The following MGST2 variants were observed in gnomAD, a reference collection of about 807,000 sequenced individuals.
MGST2 encodes the protein microsomal glutathione S-transferase 2, also known as glutathione peroxidase MGST2.
A neutral mutation model predicts 16.6 loss-of-function variants in MGST2; 9 were observed. The ratio of observed to expected loss-of-function variants is 0.54; its 90% confidence interval spans 0.33 to 0.95. The LOEUF (loss-of-function observed/expected upper bound fraction) is 0.95, where lower values mean the gene tolerates loss of function less well. Ranked by LOEUF, MGST2 falls within the 40% of genes least tolerant of loss-of-function variation. The pLI is 0.03. For missense variants in MGST2, 159 were observed against 175.1 expected (o/e 0.91, Z 0.52); for synonymous variants, 79 against 68.0 (o/e 1.16, Z -0.79).
Position 139,727,686 on chromosome 4 carries a change from G to T in MGST2, c.*49-12526G>T, listed in dbSNP as rs563872880. ...TGTGCTTTGAACTTTTGGAGAATAC[G>T]GCATTAAATGTGAATTCATGCCTAC... On this transcript the variant is annotated intron_variant, in intron 5 of 5. Transcript: ENST00000616265. 3.3e-5 allele frequency among the ~76,000 whole-genome samples: 5 copies of T among 152,278 alleles called. No homozygotes were observed. The East Asian group carries it at 9.6e-4, about 29-fold the overall frequency.
Position 139,682,304 on chromosome 4 carries a change from G to A in MGST2, c.158+3662G>A, listed in dbSNP as rs578004571. On this transcript the variant is annotated intron_variant, in intron 2 of 4. Transcript: ENST00000265498. ...GTAAGAGGGTATGGGATGGGTTCCT[G>A]GGGGGTAAGTTGGGTGGTCTGTGAT... Among the ~76,000 whole-genome samples the A allele has an allele frequency of 3.9e-4, 59 of 152,240 alleles. 1 individual carries two copies. The South Asian group carries it at 4.6e-3, about 12-fold the overall frequency.
chr4:139,703,565 A>G, intron 4 of MGST2, 29 bp downstream of exon 4: 1 of 1,593,704 alleles, frequency 6.3e-7, no homozygotes, highest in Non-Finnish European at 8.6e-7. Flanking sequence ...TTTTGTATTT[A>G]TGCAAAAAGT....
chr4:139,708,763 G>C (rs928311661), downstream of MGST2, among the ~76,000 whole-genome samples: 1 of 152,070 alleles, frequency 6.6e-6, no homozygotes, highest in Non-Finnish European at 1.5e-5. Flanking sequence ...AGCACTTTGG[G>C]AGGCCGAGGT....
intron 3 of MGST2, among the ~76,000 whole-genome samples, chr4:139,701,165 T>C (rs901242711): frequency 2.0e-5 from 3 of 152,230 alleles, no homozygotes; most frequent in Admixed American, 2.0e-4. Flanking sequence ...TTCTCTGTGA[T>C]AGGCTGAATG....
At chr4:139,678,405 T>A in intron 1 of MGST2, 138 bp from the exon 2 acceptor site, 1 of 730,292 alleles carries the variant, frequency 1.4e-6, no homozygotes, top group Non-Finnish European at 2.5e-6. Context: ...CTGTCTTTTT[T>A]AATTGCTATC....
chr4:139,686,990 G>T (rs1731600408), intron 2 of MGST2, among the ~76,000 whole-genome samples: 1 of 152,090 alleles, frequency 6.6e-6, no homozygotes, highest in Admixed American at 6.6e-5. Context: ...AAGTTATTTT[G>T]CTCTCCCTCC....
intron 5 of MGST2, chr4:139,719,263 TTTC>T: frequency 2.0e-6 from 3 of 1,507,840 alleles, no homozygotes; most frequent in Non-Finnish European, 2.7e-6. Flanking sequence ...CAACATCCTG[TTTC>T]TTTTTCACTT....
chr4:139,753,664 G>A, the MGST2 span, among the ~76,000 whole-genome samples: 1 of 152,146 alleles, frequency 6.6e-6, no homozygotes, highest in Non-Finnish European at 1.5e-5. Flanking sequence ...CATCCCTGAG[G>A]CTGAGGTGAG....
chr4:139,702,048 A>T (rs1319444827), intron 3 of MGST2, among the ~76,000 whole-genome samples: 1 of 152,178 alleles, frequency 6.6e-6, no homozygotes, highest in East Asian at 1.9e-4. Flanking sequence ...CATAGACTCC[A>T]AATGTTTACA....
intron 1 of MGST2, among the ~76,000 whole-genome samples, chr4:139,675,461 T>G (rs1022506829): frequency 3.9e-5 from 6 of 152,098 alleles, no homozygotes; most frequent in African/African-American, 4.8e-5. Flanking sequence ...GGCATCAGAG[T>G]TGATTATCTA....
At chr4:139,703,176 C>T (rs143381176) in intron 3 of MGST2, among the ~76,000 whole-genome samples, 5 of 151,962 alleles carry the variant, frequency 3.3e-5, no homozygotes, top group East Asian at 1.9e-4. Context: ...TTCACCCCCC[C>T]TCGGCCTCTC....
chr4:139,698,223 C>T (rs1727034886), intron 3 of MGST2: 7 of 1,282,776 alleles, frequency 5.5e-6, no homozygotes, highest in Non-Finnish European at 7.8e-6. Flanking sequence ...ATGGATAGCA[C>T]ACAGGTTGGT....
At chr4:139,719,267 TTTTTC>T (rs1728122378) in intron 5 of MGST2, 3 of 1,510,916 alleles carry the variant, frequency 2.0e-6, no homozygotes, top group Non-Finnish European at 2.7e-6. Flanking sequence ...ATCCTGTTTC[TTTTTC>T]ACTTTTTAAG....
At chr4:139,721,090 C>T (rs1044341641) in intron 5 of MGST2, among the ~76,000 whole-genome samples, 1 of 152,238 alleles carries the variant, frequency 6.6e-6, no homozygotes, top group African/African-American at 2.4e-5. Flanking sequence ...TGCGACTTGG[C>T]CATAAACTTT....
At chr4:139,719,177 C>T (rs766252588) in intron 5 of MGST2, 83 of 909,452 alleles carry the variant, frequency 9.1e-5, no homozygotes, top group Admixed American at 1.3e-4. Flanking sequence ...GGATTGGCAC[C>T]TGGATCTTCC....
At chr4:139,689,046 G>T (rs1373979020) in intron 2 of MGST2, among the ~76,000 whole-genome samples, 2 of 147,462 alleles carry the variant, frequency 1.4e-5, no homozygotes, top group South Asian at 2.1e-4. Context: ...GGCGGAGGTT[G>T]CAGTGAGCTG....
At chr4:139,707,095 C>T (rs1727548538), downstream of MGST2, among the ~76,000 whole-genome samples, 1 of 151,904 alleles carries the variant, frequency 6.6e-6, no homozygotes, top group Non-Finnish European at 1.5e-5. Flanking sequence ...TACATGTGCA[C>T]AATGTGCAGG....
At chr4:139,689,379 A>G (rs1319504996) in intron 2 of MGST2, among the ~76,000 whole-genome samples, 1 of 152,126 alleles carries the variant, frequency 6.6e-6, no homozygotes, top group Admixed American at 6.5e-5. Flanking sequence ...CCACCTCCCT[A>G]TTGTGTCCCA....
chr4:139,717,967 A>ACAT (rs1728059135), intron 5 of MGST2: 1 of 152,182 alleles, frequency 6.6e-6, no homozygotes, highest in South Asian at 2.1e-4. Context: ...GAAATAAACT[A>ACAT]CATCTCCTTT....
Sources: allele counts gnomAD v4.1 joint callset (sites outside exome capture counted in the v4.1 genomes callset), GRCh38; gene constraint gnomAD v4.1.1; transcripts MANE v1.5; gene names NCBI Gene and HGNC (gene_info 2026-07-23, HGNC 2026-07-21).